TTC28: variants seen among roughly 807,000 people sequenced by gnomAD.
TTC28 encodes tetratricopeptide repeat domain 28, also known as tetratricopeptide repeat protein 28.
A neutral mutation model predicts 198.0 loss-of-function variants in TTC28; 61 were observed. The ratio of observed to expected loss-of-function variants is 0.31; its 90% CI spans 0.25 to 0.38. The LOEUF is 0.38. Ranked by LOEUF, TTC28 falls within the 10% of genes least tolerant of loss-of-function variation. The pLI, the probability that TTC28 is intolerant of heterozygous loss-of-function variation, is 1.00. For synonymous variants in TTC28, 1,171 were observed against 1,297.8 expected (o/e 0.90, Z 2.10); for missense variants, 2,678 against 3,164.0 (o/e 0.85, Z 3.69).
intron 2 of TTC28, among the ~76,000 whole-genome samples, chr22:28,443,285 C>T (rs976649212): frequency 2.0e-5 from 3 of 152,178 alleles, no homozygotes; most frequent in Non-Finnish European, 4.4e-5. Flanking sequence ...GAATCCCAGC[C>T]GGGCTTCTAC....
At chr22:28,245,617 T>C (rs1412487625) in intron 5 of TTC28, among the ~76,000 whole-genome samples, 2 of 152,336 alleles carry the variant, frequency 1.3e-5, no homozygotes, top group Middle Eastern at 3.4e-3. Flanking sequence ...TTAGCCAAAG[T>C]ACCCTATGCG....
intron 20 of TTC28, 177 bp from the exon 21 acceptor site, chr22:27,990,184 C>T (rs2146516394): frequency 1.2e-6 from 1 of 855,900 alleles, no homozygotes; most frequent in Admixed American, 3.3e-5. Context: ...GCTGTCCTCT[C>T]TGTGGGAAGC....
At chr22:28,045,171 C>T (rs960867878) in intron 12 of TTC28, among the ~76,000 whole-genome samples, 2 of 152,192 alleles carry the variant, frequency 1.3e-5, no homozygotes, top group African/African-American at 4.8e-5. Context: ...TGAATGCTGT[C>T]TAGCACAGGT....
chr22:28,500,377 T>C (rs2048519937), intron 2 of TTC28, among the ~76,000 whole-genome samples: 1 of 152,184 alleles, frequency 6.6e-6, no homozygotes, highest in Non-Finnish European at 1.5e-5. Flanking sequence ...ATTAATGTAT[T>C]AAGATCACTT....
chr22:28,466,069 G>C (rs2048015533), intron 2 of TTC28, among the ~76,000 whole-genome samples: 1 of 152,196 alleles, frequency 6.6e-6, no homozygotes, highest in South Asian at 2.1e-4. Flanking sequence ...CAAAGGTCTA[G>C]TTAATAACTA....
chr22:28,225,368 A>AAAGAAGAAGAAGAAGAAGAAG lies in TTC28; in HGVS notation c.934-61790_934-61770dup, dbSNP rs148306183. Among the ~76,000 whole-genome samples the AAAGAAGAAGAAGAAGAAGAAG allele has an allele frequency of 3.4e-3, 489 of 143,158 alleles. 2 individuals carry two copies. Among genetic ancestry groups the AAAGAAGAAGAAGAAGAAGAAG allele is most frequent in the Non-Finnish European group, 5.5e-3 (368 of 66,910 alleles). 93.9% of individuals were successfully genotyped at this position (143,158 alleles called of 152,430 possible). A position where few individuals can be genotyped will look rare whatever the true frequency, so the allele number is the denominator to read the frequency against. On this transcript the variant is annotated intron_variant, in intron 5 of 22. Transcript: ENST00000397906. ...AGAGATTCTGTTAAAAAAAAAAAGA[A>AAAGAAGAAGAAGAAGAAGAAG]AAGAAGAAGAAGAAGAAGAAGAAGA...
intron 2 of TTC28, among the ~76,000 whole-genome samples, chr22:28,582,309 A>T (rs538099971): frequency 8.5e-5 from 13 of 152,282 alleles, no homozygotes; most frequent in Middle Eastern, 3.4e-3. Context: ...CTTAAACAGA[A>T]CAACTTTAAA....
At chr22:27,987,451 G>T (rs943908060) in intron 21 of TTC28, among the ~76,000 whole-genome samples, 1 of 152,246 alleles carries the variant, frequency 6.6e-6, no homozygotes, top group Non-Finnish European at 1.5e-5. Context: ...CAAGGTCTTG[G>T]CCAGGTGCGG....
intron 2 of TTC28, among the ~76,000 whole-genome samples, chr22:28,627,842 T>C (rs2051101868): frequency 6.6e-6 from 1 of 152,136 alleles, no homozygotes; most frequent in African/African-American, 2.4e-5. Context: ...GCAGCAGCAA[T>C]ACTAGAAATT....
chr22:28,647,607 A>G (rs919581082), intron 1 of TTC28, among the ~76,000 whole-genome samples: 1 of 152,140 alleles, frequency 6.6e-6, no homozygotes, highest in Admixed American at 6.5e-5. Context: ...TGGGAGGCCA[A>G]GGTGGGCAGA....
At chr22:28,551,423 CA>C (rs966829258) in intron 2 of TTC28, among the ~76,000 whole-genome samples, 1 of 151,076 alleles carries the variant, frequency 6.6e-6, no homozygotes, top group Non-Finnish European at 1.5e-5. Context: ...AAGGACACAG[CA>C]AAAAAAAGAA....
At chr22:28,357,930 A>G (rs1455304064) in intron 2 of TTC28, among the ~76,000 whole-genome samples, 2 of 152,200 alleles carry the variant, frequency 1.3e-5, no homozygotes, top group African/African-American at 4.8e-5. Context: ...CCAGATAGAT[A>G]GTAAAAACAG....
chr22:28,048,144 T>A (rs1939940347), intron 12 of TTC28, among the ~76,000 whole-genome samples: 1 of 151,422 alleles, frequency 6.6e-6, no homozygotes, highest in South Asian at 2.1e-4. Flanking sequence ...CATAATGGGG[T>A]TCCTGGCCTC....
intron 6 of TTC28, among the ~76,000 whole-genome samples, chr22:28,153,057 A>C (rs1943647400): frequency 6.6e-6 from 1 of 152,162 alleles, no homozygotes; most frequent in Non-Finnish European, 1.5e-5. Flanking sequence ...TATTATATAG[A>C]TAATATGTAA....
In TTC28 at chr22:28,101,266, C is replaced by G; in HGVS notation, c.3322G>C (p.Glu1108Gln). ...TCATCTTCTCTTCGGCCCAGTTGCT[C>G]AGCTAACCTTAAACCTGAAACCAGA... ...MYLQEGLRLA[E>Q]QLGRREDEAK... Residue 1108 changes from glutamate to glutamine, a missense_variant, in exon 9 of 23, where the codon GAG becomes CAG. Physicochemically the swap from Glu to Gln is conservative, Grantham distance 29. Around this residue, in one of 8 missense-constraint regions of TTC28, gnomAD observed 727 missense variants for 861.9 expected, o/e 0.84. Coordinates refer to ENST00000397906, the MANE Select transcript of TTC28 (RefSeq NM_001145418.2). 6.4e-7 allele frequency: 1 copy of G among 1,551,646 alleles called. No individual in the cohort carries two copies. The highest frequency in any genetic ancestry group is 8.7e-7 in the Non-Finnish European group (1 of 1,146,892).
chr22:27,999,078 C>G lies in TTC28; in HGVS notation c.4581G>C (p.Val1527=). ...LLGCQPLVGS[V]ATKERVMSAL... is the part of the protein sequence containing the mutation. The stretch of plus-strand genomic sequence containing the variant: ...CACTCATGACCCTCTCCTTGGTGGC[C>G]ACACTGCCCACTAGGGGCTGGCAGC... The change falls in exon 16 of 23, where the codon GTG becomes GTC. Residue 1527 remains valine, a synonymous_variant. Coordinates refer to ENST00000397906, the MANE Select transcript of TTC28 (RefSeq NM_001145418.2). 6.4e-7 allele frequency: 1 copy of G among 1,550,566 alleles called. No individual in the cohort carries two copies. Among genetic ancestry groups the G allele is most frequent in the Non-Finnish European group, 8.7e-7 (1 of 1,146,996 alleles).
intron 1 of TTC28, among the ~76,000 whole-genome samples, chr22:28,653,585 TA>T (rs2051597710): frequency 6.6e-6 from 1 of 152,044 alleles, no homozygotes; most frequent in South Asian, 2.1e-4. Context: ...AGACCGCTCA[TA>T]CCTGTACAGA....
chr22:28,486,192 T>C (rs1047246527), intron 2 of TTC28, among the ~76,000 whole-genome samples: 3 of 152,080 alleles, frequency 2.0e-5, no homozygotes, highest in African/African-American at 4.8e-5. Flanking sequence ...TACAAATACA[T>C]ACTCACACTA....
intron 2 of TTC28, among the ~76,000 whole-genome samples, chr22:28,460,188 C>T (rs1326810228): frequency 6.6e-6 from 1 of 151,932 alleles, no homozygotes; most frequent in Admixed American, 6.6e-5. Context: ...CCAGGTCAGA[C>T]TCAAAGTATC....
Sources: gnomAD v4.1 joint callset for allele counts (sites outside exome capture counted in the v4.1 genomes callset) on GRCh38, gnomAD v4.1.1 for gene constraint, gnomAD v4.1.1 regional missense constraint, MANE v1.5 for transcripts, NCBI Gene and HGNC (gene_info 2026-07-23, HGNC 2026-07-21) for gene names.